The following OCA2 variants were observed in gnomAD, a reference collection of about 807,000 sequenced individuals.
OCA2 encodes OCA2 melanosomal transmembrane protein, also known as P protein.
OCA2 carries 77 observed loss-of-function variants against 100.2 expected under a neutral mutation model. The ratio of observed to expected loss-of-function variants is 0.77; its 90% confidence interval spans 0.64 to 0.93. The LOEUF (loss-of-function observed/expected upper bound fraction) is 0.93, where lower values mean the gene tolerates loss of function less well. OCA2 is among the 40% of genes least tolerant of loss of function. OCA2 has a pLI of 0.00. For missense variants in OCA2, 1,062 were observed against 1,089.1 expected (o/e 0.98, Z 0.35); for synonymous variants, 432 against 439.2 (o/e 0.98, Z 0.21).
chr15:28,062,566 G>C (rs770561600), intron 2 of OCA2, among the ~76,000 whole-genome samples: 14 of 152,046 alleles, frequency 9.2e-5, no homozygotes, highest in Non-Finnish European at 1.9e-4. Context: ...TTTTCTTTTT[G>C]ATAAAGTCCA....
chr15:27,921,799 C>T (rs2038868008), intron 19 of OCA2, among the ~76,000 whole-genome samples: 2 of 152,180 alleles, frequency 1.3e-5, no homozygotes, highest in African/African-American at 2.4e-5. Context: ...CTCCCAGGAG[C>T]ATAGTGCTCC....
chr15:27,822,640 C>A (rs570141330), intron 23 of OCA2, among the ~76,000 whole-genome samples: 33 of 152,294 alleles, frequency 2.2e-4, no homozygotes, highest in African/African-American at 7.5e-4. Flanking sequence ...TTCCCTGTAG[C>A]TAAGGAAGTT....
chr15:27,954,155 A>ACC (rs2040138513), intron 17 of OCA2, among the ~76,000 whole-genome samples: 1 of 38,890 alleles, frequency 2.6e-5, no homozygotes, highest in Admixed American at 2.4e-4. Context: ...ACACACACAC[A>ACC]CACACCTAGG....
chr15:28,006,262 C>G (rs991754780), intron 9 of OCA2, among the ~76,000 whole-genome samples: 2 of 152,154 alleles, frequency 1.3e-5, no homozygotes, highest in Non-Finnish European at 2.9e-5. Flanking sequence ...TTCGCCCCAC[C>G]ACCCCCCACC....
intron 18 of OCA2, among the ~76,000 whole-genome samples, chr15:27,926,603 C>T (rs2039052242): frequency 6.6e-6 from 1 of 152,038 alleles, no homozygotes; most frequent in Non-Finnish European, 1.5e-5. Flanking sequence ...CTGTAAATTG[C>T]ACCATAGTTT....
Position 27,845,034 on chromosome 15 carries a change from CCAAT to C in OCA2, c.2353_2356del (p.Ile785AlafsTer31), listed in dbSNP as rs781001810. On this transcript the variant is annotated frameshift_variant, in exon 23 of 24. Transcript: ENST00000354638. LOFTEE classifies it high-confidence loss of function. ...TGCACACACGACGTTTGCCGACGCG[CCAAT>C]CAGTGTCCCGTTACCTAAAGTCAAA... The C allele has an allele frequency of 1.1e-5, 17 of 1,613,834 alleles. No individual in the cohort carries two copies. Among genetic ancestry groups the C allele is most frequent in the Admixed American group, 3.3e-5 (2 of 60,012 alleles).
chr15:28,062,379 C>T (rs1170469436), intron 2 of OCA2, among the ~76,000 whole-genome samples: 1 of 152,074 alleles, frequency 6.6e-6, no homozygotes, highest in Admixed American at 6.5e-5. Context: ...TGGAGAAATG[C>T]CTATTTAAAT....
intron 20 of OCA2, among the ~76,000 whole-genome samples, chr15:27,871,560 G>A (rs2036574949): frequency 2.0e-5 from 3 of 152,178 alleles, no homozygotes; most frequent in Admixed American, 1.3e-4. Context: ...CTGATGGCCC[G>A]GCAGACCCCT....
chr15:27,726,987 T>C, the OCA2 span, among the ~76,000 whole-genome samples: 1 of 152,302 alleles, frequency 6.6e-6, no homozygotes, highest in South Asian at 2.1e-4. Flanking sequence ...TAAAGGCAAG[T>C]AGCAAAGACA....
chr15:28,041,429 G>A (rs142795952), intron 2 of OCA2, among the ~76,000 whole-genome samples: 80 of 152,252 alleles, frequency 5.3e-4, no homozygotes, highest in African/African-American at 1.9e-3. Flanking sequence ...ACACTGAATG[G>A]TGAAAGACTG....
chr15:27,801,495 T>C (rs1271130050), intron 23 of OCA2, among the ~76,000 whole-genome samples: 1 of 128,930 alleles, frequency 7.8e-6, no homozygotes, highest in African/African-American at 3.1e-5. Flanking sequence ...GAGGTTACAG[T>C]GAGCCAAGAT....
At chr15:27,947,870 T>C (rs1350071180) in intron 18 of OCA2, among the ~76,000 whole-genome samples, 1 of 152,044 alleles carries the variant, frequency 6.6e-6, no homozygotes, top group Non-Finnish European at 1.5e-5. Context: ...CATCCCTCAC[T>C]CCTCTTCTCT....
intron 23 of OCA2, among the ~76,000 whole-genome samples, chr15:27,788,499 C>T (rs1245045677): frequency 6.6e-6 from 1 of 152,058 alleles, no homozygotes; most frequent in East Asian, 1.9e-4. Context: ...TTTTGTCTGA[C>T]ATTTGTATAG....
chr15:28,007,067 A>T (rs1305830252), intron 9 of OCA2, among the ~76,000 whole-genome samples: 1 of 152,230 alleles, frequency 6.6e-6, no homozygotes, highest in Non-Finnish European at 1.5e-5. Flanking sequence ...ATGAAACACG[A>T]TGTTACACAA....
Position 27,961,480 on chromosome 15 carries a change from C to T in OCA2, c.1637-3745G>A, listed in dbSNP as rs150467946. 8.6e-3 allele frequency among the ~76,000 whole-genome samples: 1,316 copies of T among 152,320 alleles called. 15 individuals carry two copies. The highest frequency in any genetic ancestry group is 0.04 in the Admixed American group (612 of 15,284). Reference sequence around the variant, plus strand: ...AACCAAAGGATTATAAATCATTCTACTATAAAGACACATGCACACGTATGC... The same window carrying T: ...AACCAAAGGATTATAAATCATTCTATTATAAAGACACATGCACACGTATGC... On this transcript the variant is annotated intron_variant, in intron 15 of 23. Coordinates refer to ENST00000354638, the MANE Select transcript of OCA2 (RefSeq NM_000275.3).
intron 21 of OCA2, among the ~76,000 whole-genome samples, chr15:27,870,530 C>G (rs2036504297): frequency 6.6e-6 from 1 of 152,150 alleles, no homozygotes; most frequent in Admixed American, 6.5e-5. Context: ...CTGGCTGGGG[C>G]TCAAGACCAC....
intron 19 of OCA2, among the ~76,000 whole-genome samples, chr15:27,925,321 T>C (rs2039004707): frequency 6.6e-6 from 1 of 152,138 alleles, no homozygotes; most frequent in Middle Eastern, 3.2e-3. Flanking sequence ...ACAGATCAAA[T>C]GCTAGACCGT....
At chr15:28,027,150 G>A (rs1305399190) in intron 4 of OCA2, among the ~76,000 whole-genome samples, 2 of 152,224 alleles carry the variant, frequency 1.3e-5, no homozygotes, top group African/African-American at 4.8e-5. Flanking sequence ...TAGATAAATA[G>A]GCCAGTAAGG....
intron 23 of OCA2, among the ~76,000 whole-genome samples, chr15:27,778,798 A>C (rs1488290908): frequency 1.3e-5 from 2 of 152,256 alleles, no homozygotes; most frequent in East Asian, 3.8e-4. Flanking sequence ...CTTGGAAAAA[A>C]GATTAGACTT....
Sources: allele counts gnomAD v4.1 joint callset (sites outside exome capture counted in the v4.1 genomes callset), GRCh38; gene constraint gnomAD v4.1.1; transcripts MANE v1.5; gene names NCBI Gene and HGNC (gene_info 2026-07-23, HGNC 2026-07-21).